Variants in RFTN1 observed in about 807,000 individuals in gnomAD.
The protein encoded by RFTN1 is raftlin.
A neutral mutation model predicts 46.5 loss-of-function variants in RFTN1; 26 were observed. The observed-to-expected ratio is 0.56, with a 90% CI of 0.41 to 0.78. The LOEUF (loss-of-function observed/expected upper bound fraction) is 0.78. Among genes scored for constraint, RFTN1 ranks in the 30% least tolerant of loss-of-function variants. The pLI, the probability that RFTN1 is intolerant of heterozygous loss-of-function variation, is 0.00. For synonymous variants in RFTN1, 261 were observed against 284.2 expected, an observed-to-expected ratio of 0.92 and a Z score of 0.82; for missense variants, 693 against 718.7, an observed-to-expected ratio of 0.96 and a Z score of 0.41.
intron 5 of RFTN1, among the ~76,000 whole-genome samples, chr3:16,373,172 A>G (rs2073597593): frequency 6.6e-6 from 1 of 152,234 alleles, no homozygotes. Context: ...TTTTCCAGAC[A>G]TGGGATGGTA....
rs553571922 is a variant in RFTN1 at position 16,407,519 on chromosome 3, T to G, written c.441+1856A>C. On this transcript the variant is annotated intron_variant, in intron 4 of 9. Transcript: ENST00000334133. This position sits in a 1 kb window ranked among gnomAD's most constrained non-coding sequence, Gnocchi z 4.0. The stretch of plus-strand genomic sequence containing the variant: ...AAATCACATGTTTTTAAAAAGCATA[T>G]TTGAGAGTGGGCAGAGCCTTATGCC... Among the ~76,000 whole-genome samples the G allele has an allele frequency of 6.6e-5, 10 of 152,288 alleles. No homozygotes were observed. Among genetic ancestry groups the G allele is most frequent in the African/African-American group, 2.4e-4 (10 of 41,558 alleles).
In RFTN1 at chr3:16,489,473, A is replaced by G. The variant is rs1412633763; in HGVS notation, c.145+4252T>C. Among the ~76,000 whole-genome samples the G allele has an allele frequency of 6.6e-6, 1 of 152,188 alleles. No homozygotes were observed. The highest frequency in any genetic ancestry group is 1.5e-5 in the Non-Finnish European group (1 of 68,036). On this transcript the variant is annotated intron_variant, in intron 2 of 9. Transcript: ENST00000334133. This position sits in a 1 kb window ranked among gnomAD's most constrained non-coding sequence, Gnocchi z 4.0. ...GTGGTTGTCTGGGGTTGGAGGGATAACAAAGGGGCATGAGGAAACTTCTGG... is the reference window on the plus strand; with the variant it reads ...GTGGTTGTCTGGGGTTGGAGGGATAGCAAAGGGGCATGAGGAAACTTCTGG...
intron 4 of RFTN1, among the ~76,000 whole-genome samples, chr3:16,405,743 T>C (rs1371063208): frequency 6.6e-6 from 1 of 152,210 alleles, no homozygotes. Flanking sequence ...TATGAAAAAA[T>C]CTAATCCTTT....
Position 16,374,906 on chromosome 3 carries a change from G to A in RFTN1, c.826+2812C>T, listed in dbSNP as rs549449023. 6.8e-4 allele frequency among the ~76,000 whole-genome samples: 103 copies of A among 152,304 alleles called. No homozygotes were observed. Among genetic ancestry groups the A allele is most frequent in the Non-Finnish European group, 1.1e-3 (78 of 68,018 alleles). ...GAGGCGTGACGGCTGCACCGAGCCC[G>A]CAGAGATGGGGAGGGACGACCTGCC... is the stretch of plus-strand genomic sequence containing the variant. On this transcript the variant is annotated intron_variant, in intron 5 of 9. Coordinates refer to ENST00000334133, the MANE Select transcript of RFTN1 (RefSeq NM_015150.2). The surrounding 1 kb of genome is among the most constrained non-coding windows in gnomAD (Gnocchi z 5.4).
intron 8 of RFTN1, among the ~76,000 whole-genome samples, chr3:16,324,212 G>A (rs1406056379): frequency 2.6e-5 from 4 of 151,904 alleles, no homozygotes; most frequent in Non-Finnish European, 5.9e-5. Context: ...TTTGATATAT[G>A]TTTACAATGT....
In RFTN1 at chr3:16,381,482, A is replaced by G. The variant is rs9310496; in HGVS notation, c.442-3380T>C. ...GGGATGTAACAAATGACGTGGTGTA[A>G]CACAAAAGGAAGAATAAGAAATGTG... On this transcript the variant is annotated intron_variant, in intron 4 of 9. Coordinates refer to ENST00000334133, the MANE Select transcript of RFTN1 (RefSeq NM_015150.2). This position sits in a 1 kb window ranked among gnomAD's most constrained non-coding sequence, Gnocchi z 4.2. 0.2 allele frequency among the ~76,000 whole-genome samples: 31,019 copies of G among 152,148 alleles called. 3,457 individuals are homozygous for G. The highest frequency in any genetic ancestry group is 0.28 in the Admixed American group (4,323 of 15,288).
In RFTN1 at chr3:16,426,843, A is replaced by G. The variant is rs2075298733; in HGVS notation, c.332+7008T>C. Reference sequence around the variant, plus strand: ...AAAGATTGTAGCAAAATTCCAGGGCATGGTTTTATCCCACTCAATTCATGC... The same window carrying G: ...AAAGATTGTAGCAAAATTCCAGGGCGTGGTTTTATCCCACTCAATTCATGC... On this transcript the variant is annotated intron_variant, in intron 3 of 9. Coordinates refer to ENST00000334133, the MANE Select transcript of RFTN1 (RefSeq NM_015150.2). The surrounding 1 kb of genome is among the most constrained non-coding windows in gnomAD (Gnocchi z 5.9). Among the ~76,000 whole-genome samples the G allele has an allele frequency of 6.6e-6, 1 of 152,238 alleles. No individual in the cohort carries two copies. Among genetic ancestry groups the G allele is most frequent in the Non-Finnish European group, 1.5e-5 (1 of 68,044 alleles).
chr3:16,495,554 T>C (rs983021077), intron 1 of RFTN1, among the ~76,000 whole-genome samples: 1 of 151,302 alleles, frequency 6.6e-6, no homozygotes. Flanking sequence ...GGCAGGGACC[T>C]GGATTGGGTA....
rs1320577137 is a variant in RFTN1, at chr3:16,345,726, T to A, written c.1146+12206A>T. On this transcript the variant is annotated intron_variant, in intron 7 of 9. Transcript: ENST00000334133. This position sits in a 1 kb window ranked among gnomAD's most constrained non-coding sequence, Gnocchi z 5.2. ...CTTTCCTGGGTCTCCAGCTTGCAGA[T>A]AGCAGACTGTGGGACTCCTCAGCCT... Among the ~76,000 whole-genome samples the A allele has an allele frequency of 6.6e-6, 1 of 151,782 alleles. No homozygotes were observed. Among genetic ancestry groups the A allele is most frequent in the East Asian group, 2.0e-4 (1 of 5,124 alleles).
rs1261042361 is a variant in RFTN1 at position 16,413,262 on chromosome 3, C to A, written c.333-3779G>T. 6.6e-6 allele frequency among the ~76,000 whole-genome samples: 1 copy of A among 152,252 alleles called. No individual in the cohort carries two copies. Among genetic ancestry groups the A allele is most frequent in the African/African-American group, 2.4e-5 (1 of 41,464 alleles). On this transcript the variant is annotated intron_variant, in intron 3 of 9. Coordinates refer to ENST00000334133, the MANE Select transcript of RFTN1 (RefSeq NM_015150.2). The surrounding 1 kb of genome is among the most constrained non-coding windows in gnomAD (Gnocchi z 4.7). Reference sequence around the variant, plus strand: ...GCAGCTCCATCAGGTGAGGAGTGTTCTGTGTCCCTGAGGGCAAGGACTATC... The same window carrying A: ...GCAGCTCCATCAGGTGAGGAGTGTTATGTGTCCCTGAGGGCAAGGACTATC...
chr3:16,417,959 G>C (rs1325098724), intron 3 of RFTN1, among the ~76,000 whole-genome samples: 1 of 152,066 alleles, frequency 6.6e-6, no homozygotes, highest in African/African-American at 2.4e-5. Flanking sequence ...CCTCCAGCTC[G>C]GCATCCCAAA....
rs1425025151 is a variant in RFTN1 at position 16,409,456 on chromosome 3, T to C, written c.360A>G (p.Glu120=). Residue 120 remains glutamate, a synonymous_variant, in exon 4 of 10, where the codon GAA becomes GAG. Transcript: ENST00000334133. ...AGCAATCTAATTCCAAGATGTAGCC[T>C]TCATTGTGAAGATCAGTTTTCTGAG... is the stretch of plus-strand genomic sequence containing the variant. ...DRSQKTDLHN[E]GYILELDCCS... is the part of the protein sequence containing the mutation. 5.6e-6 allele frequency: 9 copies of C among 1,613,020 alleles called. No individual in the cohort carries two copies. Among genetic ancestry groups the C allele is most frequent in the South Asian group, 1.1e-5 (1 of 91,062 alleles).
chr3:16,366,745 T>C (rs1299495503), intron 6 of RFTN1, among the ~76,000 whole-genome samples: 1 of 152,228 alleles, frequency 6.6e-6, no homozygotes, highest in African/African-American at 2.4e-5. Flanking sequence ...TGAGGTATTG[T>C]GAGGATGAAG....
At chr3:16,462,459 G>T (rs1425475046) in intron 2 of RFTN1, among the ~76,000 whole-genome samples, 1 of 152,288 alleles carries the variant, frequency 6.6e-6, no homozygotes, top group South Asian at 2.1e-4. Flanking sequence ...TATACAAGTG[G>T]TCCCTAAATG....
intron 6 of RFTN1, among the ~76,000 whole-genome samples, chr3:16,362,602 A>G (rs1189212667): frequency 3.9e-5 from 6 of 152,286 alleles, no homozygotes; most frequent in East Asian, 1.9e-4. Context: ...AAGACACTCA[A>G]TGATTCCATC....
chr3:16,390,396 TAA>T (rs1259123661), intron 4 of RFTN1, among the ~76,000 whole-genome samples: 1 of 152,166 alleles, frequency 6.6e-6, no homozygotes, highest in Non-Finnish European at 1.5e-5. Flanking sequence ...TCTGCTTTAA[TAA>T]AGAGGTAAGA....
At chr3:16,461,834 C>T in intron 2 of RFTN1, among the ~76,000 whole-genome samples, 1 of 152,340 alleles carries the variant, frequency 6.6e-6, no homozygotes, top group Non-Finnish European at 1.5e-5. Context: ...AAATGCACAA[C>T]AGCAAACTCC....
At chr3:16,389,049 G>T (rs1256905495) in intron 4 of RFTN1, among the ~76,000 whole-genome samples, 3 of 152,198 alleles carry the variant, frequency 2.0e-5, no homozygotes, top group South Asian at 2.1e-4. Context: ...AGGAGCAGAT[G>T]TTTCTCTTCA....
chr3:16,359,032 CAAAAA>C (rs771185605), intron 6 of RFTN1, among the ~76,000 whole-genome samples: 2 of 89,514 alleles, frequency 2.2e-5, no homozygotes, highest in Admixed American at 2.5e-4. Flanking sequence ...ATTCTGTCTC[CAAAAA>C]AAAAAAAAAA....
Sources: gnomAD v4.1 joint callset for allele counts (sites outside exome capture counted in the v4.1 genomes callset) on GRCh38, gnomAD v4.1.1 for gene constraint, Gnocchi (gnomAD v3.1) non-coding constraint, MANE v1.5 for transcripts, NCBI Gene and HGNC (gene_info 2026-07-23, HGNC 2026-07-21) for gene names.